The following MEGF10 variants were observed in gnomAD, a reference collection of about 807,000 sequenced individuals.
The protein encoded by MEGF10 is multiple EGF like domains 10.
A neutral mutation model predicts 147.5 loss-of-function variants in MEGF10; 86 were observed. The ratio of observed to expected loss-of-function variants is 0.58; its 90% confidence interval spans 0.49 to 0.70. The LOEUF (loss-of-function observed/expected upper bound fraction) is 0.70. Ranked by LOEUF, MEGF10 falls within the 30% of genes least tolerant of loss-of-function variation. The pLI, the probability that MEGF10 is intolerant of heterozygous loss-of-function variation, is 0.00. For synonymous variants in MEGF10, 478 were observed against 525.5 expected, an observed-to-expected ratio of 0.91 and a Z score of 1.24; for missense variants, 1,329 against 1,487.3, an observed-to-expected ratio of 0.89 and a Z score of 1.75.
At chr5:127,453,301 C>T (rs576523271) in intron 22 of MEGF10, among the ~76,000 whole-genome samples, 369 of 152,326 alleles carry the variant, frequency 2.4e-3, no homozygotes, top group African/African-American at 8.4e-3. Flanking sequence ...AAGCAATCCA[C>T]CCACCTTGGC....
chr5:127,449,168 T>C lies in MEGF10; in HGVS notation c.2926T>C (p.Cys976Arg), dbSNP rs1172952664. The C allele has an allele frequency of 1.2e-6, 2 of 1,614,052 alleles. No homozygotes were observed. Among genetic ancestry groups the C allele is most frequent in the African/African-American group, 2.7e-5 (2 of 74,942 alleles). The change falls in exon 22 of 25, where the codon TGC becomes CGC. Residue 976 changes from cysteine to arginine, a missense_variant. By Grantham distance (180) the Cys-to-Arg change is radical. Coordinates refer to ENST00000503335, the MANE Select transcript of MEGF10 (RefSeq NM_001256545.2). ...NPGKRGPVGDCTGTLPADWKH... is the reference protein window; with the variant it reads ...NPGKRGPVGDRTGTLPADWKH... ...TGGGAAGAGAGGCCCTGTGGGGGAC[T>C]GCACTGGGACATTGCCGGCTGACTG...
chr5:127,325,053 C>T (rs1332945353), intron 1 of MEGF10, among the ~76,000 whole-genome samples: 1 of 152,160 alleles, frequency 6.6e-6, no homozygotes, highest in Non-Finnish European at 1.5e-5. Flanking sequence ...CTCAGTATTC[C>T]CTGCATGGGG....
chr5:127,270,831 T>G, the MEGF10 span, among the ~76,000 whole-genome samples: 2 of 152,210 alleles, frequency 1.3e-5, no homozygotes, highest in Admixed American at 1.3e-4. Flanking sequence ...TTTGGTTATA[T>G]TTTCCTGCAT....
chr5:127,429,300 C>T (rs1034114158), intron 13 of MEGF10, among the ~76,000 whole-genome samples: 1 of 152,184 alleles, frequency 6.6e-6, no homozygotes, highest in Non-Finnish European at 1.5e-5. Flanking sequence ...AAATGTGTAT[C>T]TGCTCAAGAA....
intron 5 of MEGF10, among the ~76,000 whole-genome samples, chr5:127,371,863 T>C (rs1000309747): frequency 8.5e-5 from 13 of 152,198 alleles, no homozygotes; most frequent in African/African-American, 2.7e-4. Flanking sequence ...GGCTTTATGA[T>C]GAACAAAAGC....
chr5:127,238,373 T>A, the MEGF10 span, among the ~76,000 whole-genome samples: 3 of 152,064 alleles, frequency 2.0e-5, no homozygotes, highest in Non-Finnish European at 4.4e-5. Context: ...ATATTTTTTA[T>A]ATATTAAAAA....
the MEGF10 span, among the ~76,000 whole-genome samples, chr5:127,273,374 G>A: frequency 2.6e-5 from 4 of 152,184 alleles, no homozygotes; most frequent in Non-Finnish European, 5.9e-5. Context: ...GACATGGGTC[G>A]AGTTGTTTCC....
intron 19 of MEGF10, among the ~76,000 whole-genome samples, chr5:127,444,207 C>T (rs1284831702): frequency 6.6e-6 from 1 of 152,104 alleles, no homozygotes; most frequent in East Asian, 1.9e-4. Flanking sequence ...AGCAGTTGGG[C>T]TATAAAAGGC....
intron 1 of MEGF10, among the ~76,000 whole-genome samples, chr5:127,302,171 A>G (rs977184445): frequency 6.6e-6 from 1 of 152,214 alleles, no homozygotes; most frequent in Non-Finnish European, 1.5e-5. Flanking sequence ...TGCTCCTAGC[A>G]GCATTATTTA....
At chr5:127,316,545 AACTCTAGGATTTTCC>A (rs1253363861) in intron 1 of MEGF10, among the ~76,000 whole-genome samples, 1 of 152,114 alleles carries the variant, frequency 6.6e-6, no homozygotes, top group Middle Eastern at 3.2e-3. Context: ...ATTTTGTTTC[AACTCTAGGATTTTCC>A]ACTGCAGTTG....
chr5:127,403,815 TA>T (rs1764222221), intron 8 of MEGF10, among the ~76,000 whole-genome samples: 3 of 152,348 alleles, frequency 2.0e-5, no homozygotes, highest in African/African-American at 7.2e-5. Flanking sequence ...TGTGTATATG[TA>T]CCACATTTTC....
intron 1 of MEGF10, among the ~76,000 whole-genome samples, chr5:127,324,536 A>G (rs142258465): frequency 2.5e-3 from 379 of 152,078 alleles, no homozygotes; most frequent in African/African-American, 8.7e-3. Flanking sequence ...TTGGTTTCTC[A>G]CATACTTCCG....
the MEGF10 span, among the ~76,000 whole-genome samples, chr5:127,237,734 C>T: frequency 6.6e-6 from 1 of 151,942 alleles, no homozygotes; most frequent in Non-Finnish European, 1.5e-5. Flanking sequence ...ATTTTAAGTC[C>T]TGGGCAGGGT....
chr5:127,439,544 CAAGCATATTCTTCAG>C (rs1413272462), intron 17 of MEGF10, among the ~76,000 whole-genome samples: 3 of 152,162 alleles, frequency 2.0e-5, no homozygotes, highest in Non-Finnish European at 4.4e-5. Context: ...GTAGCTGGCC[CAAGCATATTCTTCAG>C]AGTTCGTATA....
intron 13 of MEGF10, among the ~76,000 whole-genome samples, chr5:127,428,690 A>G (rs1765288692): frequency 6.6e-6 from 1 of 152,250 alleles, no homozygotes; most frequent in Admixed American, 6.5e-5. Context: ...AACTAGACAT[A>G]GAATCAAAAT....
chr5:127,419,923 C>T, intron 11 of MEGF10, 121 bp from the exon 12 acceptor site: 3 of 1,172,488 alleles, frequency 2.6e-6, no homozygotes, highest in Non-Finnish European at 3.6e-6. Flanking sequence ...GTGTTCTCTG[C>T]TGCTGTGGCT....
intron 2 of MEGF10, among the ~76,000 whole-genome samples, chr5:127,338,099 G>T (rs1191794051): frequency 1.3e-5 from 2 of 152,046 alleles, no homozygotes; most frequent in East Asian, 1.9e-4. Flanking sequence ...AAATGAGAAG[G>T]TTCTGTCTAA....
chr5:127,260,888 G>A, the MEGF10 span, among the ~76,000 whole-genome samples: 2 of 152,090 alleles, frequency 1.3e-5, no homozygotes, highest in Admixed American at 6.6e-5. Context: ...CCACAACTGC[G>A]CAATCCCTCA....
intron 16 of MEGF10, among the ~76,000 whole-genome samples, chr5:127,436,493 G>A (rs1036927240): frequency 1.2e-4 from 18 of 152,334 alleles, no homozygotes; most frequent in African/African-American, 4.1e-4. Flanking sequence ...CACTTCAGAA[G>A]AAATCAGTCT....
Sources: gnomAD v4.1 joint callset for allele counts (sites outside exome capture counted in the v4.1 genomes callset) on GRCh38, gnomAD v4.1.1 for gene constraint, MANE v1.5 for transcripts, NCBI Gene and HGNC (gene_info 2026-07-23, HGNC 2026-07-21) for gene names.